Variants in COPS2 observed in about 807,000 individuals in gnomAD.
The protein encoded by COPS2 is COP9 signalosome complex subunit 2.
Under a neutral mutation model 66.1 loss-of-function variants are expected in COPS2, and 10 were observed. That is an observed-to-expected ratio of 0.15 (90% CI 0.09 to 0.26). The LOEUF (loss-of-function observed/expected upper bound fraction) is 0.26, where lower values mean the gene tolerates loss of function less well. COPS2 is among the 10% of genes least tolerant of loss of function. The pLI, the probability that COPS2 is intolerant of heterozygous loss-of-function variation, is 1.00. For synonymous variants in COPS2, 179 were observed against 171.3 expected (o/e 1.04, Z -0.35); for missense variants, 215 against 513.3 (o/e 0.42, Z 5.62).
Position 49,125,571 on chromosome 15 carries a change from C to CT in COPS2, c.*2378dup, listed in dbSNP as rs1319894571. On this transcript the variant is annotated 3_prime_UTR_variant, in exon 13 of 13. Coordinates refer to ENST00000388901, the MANE Select transcript of COPS2 (RefSeq NM_004236.4). ...AAATTTATATTTCGATAAGCAATCT[C>CT]TAAGATTTCAACTCTACAATATTTG... 12 of 152,074 alleles carry CT rather than the reference C, an allele frequency of 7.9e-5. No individual in the cohort carries two copies. Among genetic ancestry groups the CT allele is most frequent in the African/African-American group, 2.9e-4 (12 of 41,434 alleles). The allele number at this position is 152,074 out of a possible 1,614,324, so 9.4% of individuals were successfully genotyped here.
In COPS2 at chr15:49,133,840, A is replaced by G. The variant is rs1287506102; in HGVS notation, c.895-29T>C. 5 of 1,555,318 alleles carry G rather than the reference A, an allele frequency of 3.2e-6. No individual in the cohort carries two copies. The African/African-American group carries it at 4.2e-5, about 13-fold the overall frequency. On this transcript the variant is annotated intron_variant, in intron 8 of 12. Transcript: ENST00000388901. ...AACACAGTAAAGAAAAAAATTAAAT[A>G]TATGTACAAAGAAACAACATTTTAA...
At chr15:49,140,133 T>C (rs1257089726) in intron 3 of COPS2, among the ~76,000 whole-genome samples, 1 of 151,840 alleles carries the variant, frequency 6.6e-6, no homozygotes, top group African/African-American at 2.4e-5. Context: ...ATTACAGGCA[T>C]GTGCCACCAC....
intron 3 of COPS2, among the ~76,000 whole-genome samples, chr15:49,140,390 A>G (rs1259053575): frequency 1.3e-5 from 2 of 152,198 alleles, no homozygotes; most frequent in Non-Finnish European, 2.9e-5. Flanking sequence ...AAGCTCTGCA[A>G]TAAGAGTTAC....
intron 3 of COPS2, among the ~76,000 whole-genome samples, chr15:49,143,564 T>C (rs906232153): frequency 6.6e-6 from 1 of 152,146 alleles, no homozygotes; most frequent in Non-Finnish European, 1.5e-5. Flanking sequence ...TAATAGACAA[T>C]GAGAAGAGTT....
At chr15:49,144,184 C>T in intron 3 of COPS2, 43 bp downstream of exon 3, 1 of 1,279,928 alleles carries the variant, frequency 7.8e-7, no homozygotes, top group Non-Finnish European at 1.1e-6. Flanking sequence ...AGGTTTTTAC[C>T]TACAAAATTT....
intron 1 of COPS2, among the ~76,000 whole-genome samples, chr15:49,148,982 T>C (rs1595826199): frequency 1.3e-5 from 2 of 152,304 alleles, no homozygotes; most frequent in East Asian, 3.9e-4. Context: ...AAGAGATAAT[T>C]TGTAAAAGTG....
chr15:49,139,200 A>G (rs2084273524), intron 4 of COPS2: 1 of 192,078 alleles, frequency 5.2e-6, no homozygotes, highest in Admixed American at 6.2e-5. Context: ...TTAACACCTC[A>G]GAATGGCTAG....
chr15:49,150,992 C>T (rs1316188499), intron 1 of COPS2, among the ~76,000 whole-genome samples: 1 of 152,078 alleles, frequency 6.6e-6, no homozygotes, highest in Non-Finnish European at 1.5e-5. Flanking sequence ...CAACTATGAG[C>T]TTGACTAGGG....
chr15:49,141,843 C>T (rs1266756187), intron 3 of COPS2, among the ~76,000 whole-genome samples: 1 of 152,210 alleles, frequency 6.6e-6, no homozygotes, highest in Non-Finnish European at 1.5e-5. Context: ...TTCCTTCCCA[C>T]TCTGCTCAAG....
In COPS2 at chr15:49,151,393, C is replaced by G. The variant is rs373139447; in HGVS notation, c.54+4132G>C. ...CCAGCCTAGGCGAAAGAGCACAACT[C>G]TGTCTCAAAAAAAAAAAAAAAAATT... On this transcript the variant is annotated intron_variant, in intron 1 of 12. Transcript: ENST00000388901. Among the ~76,000 whole-genome samples the G allele has an allele frequency of 1.0e-4, 13 of 128,092 alleles. No individual in the cohort carries two copies. In the East Asian group the frequency reaches 2.4e-3, roughly 24 times the overall value. The allele number at this position is 128,092 out of a possible 152,430, so 84.0% of individuals were successfully genotyped here.
At chr15:49,129,589 T>G (rs2084194140) in intron 10 of COPS2, 30 bp from the exon 11 acceptor site, 1 of 1,178,774 alleles carries the variant, frequency 8.5e-7, no homozygotes, top group African/African-American at 1.6e-5. Flanking sequence ...AATAACATTT[T>G]ATTTAACAGT....
Position 49,127,141 on chromosome 15 carries a change from A to G in COPS2, c.*809T>C, listed in dbSNP as rs1313860581. 1 of 152,224 alleles carries G rather than the reference A, an allele frequency of 6.6e-6. No homozygotes were observed. Among genetic ancestry groups the G allele is most frequent in the Non-Finnish European group, 1.5e-5 (1 of 68,022 alleles). 9.4% of individuals were successfully genotyped at this position (152,224 alleles called of 1,614,324 possible). A position where few individuals can be genotyped will look rare whatever the true frequency, so the allele number is the denominator to read the frequency against. On this transcript the variant is annotated 3_prime_UTR_variant, in exon 13 of 13. Transcript: ENST00000388901. ...TTTATTCCTTTAAAGCATCACTGTC[A>G]TAACTATGCACGTGTTTTGTTAGAA...
At chr15:49,150,529 C>T (rs1326685305) in intron 1 of COPS2, among the ~76,000 whole-genome samples, 1 of 152,036 alleles carries the variant, frequency 6.6e-6, no homozygotes, top group African/African-American at 2.4e-5. Flanking sequence ...ACTCATTTAC[C>T]TCCCCACTGC....
At chr15:49,144,430 A>G in intron 2 of COPS2, 126 bp from the exon 3 acceptor site, 1 of 576,278 alleles carries the variant, frequency 1.7e-6, no homozygotes, top group Non-Finnish European at 3.0e-6. Context: ...CAAGGATACC[A>G]CCATTTCTCA....
intron 1 of COPS2, among the ~76,000 whole-genome samples, chr15:49,155,276 G>A (rs535524465): frequency 4.5e-4 from 69 of 152,392 alleles, no homozygotes; most frequent in Non-Finnish European, 7.5e-4. Context: ...AAACCGAAGA[G>A]GCGCTCAGAC....
chr15:49,141,370 G>A (rs926106478), intron 3 of COPS2, among the ~76,000 whole-genome samples: 2 of 152,026 alleles, frequency 1.3e-5, no homozygotes, highest in African/African-American at 2.4e-5. Context: ...GGTGGCATGC[G>A]CCTGTAGTCC....
chr15:49,127,068 A>C lies in COPS2; in HGVS notation c.*882T>G, dbSNP rs1343364582. The C allele has an allele frequency of 6.6e-6, 1 of 152,054 alleles. No individual in the cohort carries two copies. Among genetic ancestry groups the C allele is most frequent in the African/African-American group, 2.4e-5 (1 of 41,412 alleles). 9.4% of individuals were successfully genotyped at this position (152,054 alleles called of 1,614,324 possible). A position where few individuals can be genotyped will look rare whatever the true frequency, so the allele number is the denominator to read the frequency against. ...ATTCGTTTAAAGTGAACATTCTGAG[A>C]GTTAGTATTCTTTTGAAAAGGAATA... On this transcript the variant is annotated 3_prime_UTR_variant, in exon 13 of 13. Coordinates refer to ENST00000388901, the MANE Select transcript of COPS2 (RefSeq NM_004236.4).
In COPS2 at chr15:49,133,926, G is replaced by A. The variant is rs368756069; in HGVS notation, c.894+4C>T. On this transcript the variant is annotated splice_donor_region_variant and intron_variant, in intron 8 of 12. Transcript: ENST00000388901. ...AGAGAAATTAACAATTAAAACACAC[G>A]TACCTCCTGTGAGTCAAATGGATTT... 43 of 1,603,162 alleles carry A rather than the reference G, an allele frequency of 2.7e-5. No homozygotes were observed. The highest frequency in any genetic ancestry group is 8.1e-5 in the African/African-American group (6 of 74,494).
chr15:49,148,327 G>GAC (rs1198750399), intron 1 of COPS2, among the ~76,000 whole-genome samples: 18 of 151,840 alleles, frequency 1.2e-4, no homozygotes, highest in Non-Finnish European at 1.8e-4. Flanking sequence ...AGCAATAACA[G>GAC]ACACACATAC....
Sources: gnomAD v4.1 joint callset for allele counts (sites outside exome capture counted in the v4.1 genomes callset) on GRCh38, gnomAD v4.1.1 for gene constraint, MANE v1.5 for transcripts, NCBI Gene and HGNC (gene_info 2026-07-23, HGNC 2026-07-21) for gene names.